TENM2: variants seen among roughly 807,000 people sequenced by gnomAD.
TENM2 encodes the protein teneurin-2.
In TENM2, 52 loss-of-function variants were observed where a neutral mutation model predicts 245.2. The ratio of observed to expected loss-of-function variants is 0.21; its 90% CI spans 0.17 to 0.27. The LOEUF (loss-of-function observed/expected upper bound fraction) is 0.27. TENM2 is among the 10% of genes least tolerant of loss of function. The pLI is 1.00. For missense variants in TENM2, 3,046 were observed against 3,666.8 expected (o/e 0.83, Z 4.37); for synonymous variants, 1,363 against 1,438.9 (o/e 0.95, Z 1.19).
At chr5:167,490,704 T>C (rs1027601529) in intron 2 of TENM2, among the ~76,000 whole-genome samples, 1 of 152,180 alleles carries the variant, frequency 6.6e-6, no homozygotes, top group Non-Finnish European at 1.5e-5. Context: ...TGAGTTAACA[T>C]TGATATAGAA....
At chr5:167,414,148 CTT>C (rs1763046593) in intron 2 of TENM2, among the ~76,000 whole-genome samples, 1 of 152,068 alleles carries the variant, frequency 6.6e-6, no homozygotes, top group African/African-American at 2.4e-5. Flanking sequence ...CTCATTTTCT[CTT>C]TTAACAGAGG....
intron 2 of TENM2, among the ~76,000 whole-genome samples, chr5:167,586,498 T>C (rs986094889): frequency 1.3e-5 from 2 of 152,208 alleles, no homozygotes; most frequent in South Asian, 2.1e-4. Flanking sequence ...CTCCTTCCTT[T>C]AATCTTTGGT....
chr5:168,193,011 T>A (rs893554935), intron 14 of TENM2, among the ~76,000 whole-genome samples: 1 of 152,208 alleles, frequency 6.6e-6, no homozygotes, highest in African/African-American at 2.4e-5. Flanking sequence ...AGAAGGCACC[T>A]TGAGCTAGAG....
intron 1 of TENM2, among the ~76,000 whole-genome samples, chr5:167,305,532 A>G (rs931880585): frequency 2.0e-5 from 3 of 152,242 alleles, no homozygotes; most frequent in African/African-American, 7.2e-5. Flanking sequence ...ACCAGGAAAT[A>G]TAGAAACAAT....
At chr5:167,175,975 G>A in the TENM2 span, among the ~76,000 whole-genome samples, 4,074 of 152,246 alleles carry the variant, frequency 0.027, 199 homozygotes, top group African/African-American at 0.092. Flanking sequence ...CTCCCAAAGT[G>A]CTAGGATTAC....
At chr5:167,295,979 C>T (rs1049389552) in intron 1 of TENM2, among the ~76,000 whole-genome samples, 1 of 152,150 alleles carries the variant, frequency 6.6e-6, no homozygotes, top group African/African-American at 2.4e-5. Context: ...TTAATAAGGT[C>T]CAACAGACTT....
the TENM2 span, among the ~76,000 whole-genome samples, chr5:167,189,951 T>A: frequency 6.6e-6 from 1 of 152,104 alleles, no homozygotes; most frequent in Non-Finnish European, 1.5e-5. Context: ...CCTATGAAAG[T>A]CTAAAATTTA....
chr5:168,003,273 C>G (rs1454007044), intron 5 of TENM2, among the ~76,000 whole-genome samples: 1 of 150,252 alleles, frequency 6.7e-6, no homozygotes, highest in Non-Finnish European at 1.5e-5. Flanking sequence ...ATTATCTTTT[C>G]CCGAGTTTAA....
At chr5:167,564,271 G>A (rs144640949) in intron 2 of TENM2, among the ~76,000 whole-genome samples, 1 of 152,340 alleles carries the variant, frequency 6.6e-6, no homozygotes, top group African/African-American at 2.4e-5. Context: ...CAAACAGAGT[G>A]TGAAAGTAAT....
At chr5:167,730,174 T>C (rs1760318126) in intron 2 of TENM2, among the ~76,000 whole-genome samples, 1 of 152,188 alleles carries the variant, frequency 6.6e-6, no homozygotes, top group Admixed American at 6.5e-5. Flanking sequence ...TTGTTCTCAT[T>C]GGAGCATACT....
intron 2 of TENM2, among the ~76,000 whole-genome samples, chr5:167,592,046 AC>A (rs1775911836): frequency 6.6e-6 from 1 of 152,190 alleles, no homozygotes; most frequent in Non-Finnish European, 1.5e-5. Context: ...CACAGTATAC[AC>A]CAATACAGAA....
At chr5:167,956,865 T>C (rs1309923702) in intron 4 of TENM2, among the ~76,000 whole-genome samples, 1 of 152,204 alleles carries the variant, frequency 6.6e-6, no homozygotes, top group East Asian at 1.9e-4. Context: ...GCTGCTGGCT[T>C]CAGTTTGCCA....
chr5:167,719,315 C>G (rs1377116846), intron 2 of TENM2, among the ~76,000 whole-genome samples: 1 of 152,218 alleles, frequency 6.6e-6, no homozygotes, highest in Non-Finnish European at 1.5e-5. Flanking sequence ...TGTCAATACC[C>G]ATGGTTTCAA....
At chr5:167,791,275 A>G (rs1764938795) in intron 2 of TENM2, among the ~76,000 whole-genome samples, 1 of 151,692 alleles carries the variant, frequency 6.6e-6, no homozygotes, top group South Asian at 2.1e-4. Flanking sequence ...TATTTTTTAT[A>G]TGTATGCAGG....
intron 1 of TENM2, among the ~76,000 whole-genome samples, chr5:167,356,216 A>AAAAAG (rs1759319430): frequency 3.0e-5 from 4 of 134,400 alleles, no homozygotes; most frequent in African/African-American, 1.3e-4. Flanking sequence ...AAAAAAAAAA[A>AAAAAG]AAAAATTAAA....
intron 2 of TENM2, among the ~76,000 whole-genome samples, chr5:167,866,207 G>T (rs1455707398): frequency 6.6e-6 from 1 of 152,178 alleles, no homozygotes; most frequent in Non-Finnish European, 1.5e-5. Context: ...GTCTCTAGAA[G>T]GTGTTTGCCA....
chr5:168,159,712 T>C (rs910017489), intron 12 of TENM2, among the ~76,000 whole-genome samples: 2 of 152,210 alleles, frequency 1.3e-5, no homozygotes, highest in African/African-American at 4.8e-5. Flanking sequence ...CCAGCTGCCC[T>C]GAAACTTCTC....
chr5:167,687,690 C>G (rs1757164519), intron 2 of TENM2, among the ~76,000 whole-genome samples: 1 of 152,152 alleles, frequency 6.6e-6, no homozygotes, highest in Non-Finnish European at 1.5e-5. Flanking sequence ...CTTTATCCAG[C>G]CAACTTCACA....
At chr5:168,124,494 G>A (rs746124526) in intron 10 of TENM2, among the ~76,000 whole-genome samples, 2 of 152,162 alleles carry the variant, frequency 1.3e-5, no homozygotes, top group Non-Finnish European at 2.9e-5. Context: ...CATTCCTATC[G>A]CAGATGCTCT....
Sources: allele counts gnomAD v4.1 joint callset (sites outside exome capture counted in the v4.1 genomes callset), GRCh38; gene constraint gnomAD v4.1.1; transcripts MANE v1.5; gene names NCBI Gene and HGNC (gene_info 2026-07-23, HGNC 2026-07-21).